MARCHF3: variants seen among roughly 807,000 people sequenced by gnomAD.
MARCHF3 encodes E3 ubiquitin-protein ligase MARCHF3.
Under a neutral mutation model 24.2 loss-of-function variants are expected in MARCHF3, and 13 were observed. That is an observed-to-expected ratio of 0.54 (90% CI 0.35 to 0.85). The LOEUF (loss-of-function observed/expected upper bound fraction) is 0.85. Ranked by LOEUF, MARCHF3 falls within the 40% of genes least tolerant of loss-of-function variation. The pLI is 0.01. For missense variants in MARCHF3, 276 were observed against 325.0 expected, an observed-to-expected ratio of 0.85 and a Z score of 1.16; for synonymous variants, 144 against 137.3, an observed-to-expected ratio of 1.05 and a Z score of -0.34.
chr5:126,996,616 A>G (rs1751956590), intron 1 of MARCHF3, among the ~76,000 whole-genome samples: 1 of 152,096 alleles, frequency 6.6e-6, no homozygotes, highest in South Asian at 2.1e-4. Context: ...CAGTGGGGAT[A>G]TGGATCTAGG....
At chr5:126,992,122 G>T (rs1426720352) in intron 1 of MARCHF3, among the ~76,000 whole-genome samples, 2 of 150,822 alleles carry the variant, frequency 1.3e-5, no homozygotes, top group Admixed American at 6.6e-5. Flanking sequence ...ACCTGTGATT[G>T]TTCCCCCACC....
At chr5:126,889,922 G>A (rs73335458) in intron 3 of MARCHF3, among the ~76,000 whole-genome samples, 1 of 152,166 alleles carries the variant, frequency 6.6e-6, no homozygotes, top group East Asian at 1.9e-4. Context: ...TGTTCACATT[G>A]TCTAAGCTGT....
In MARCHF3 at chr5:126,902,084, T is replaced by C. The variant is rs188178815; in HGVS notation, c.393+12846A>G. Among the ~76,000 whole-genome samples, 240 of 152,260 alleles carry C rather than the reference T, an allele frequency of 1.6e-3. 1 individual carries two copies. Among genetic ancestry groups the C allele is most frequent in the African/African-American group, 5.5e-3 (230 of 41,546 alleles). On this transcript the variant is annotated intron_variant, in intron 3 of 4. Coordinates refer to ENST00000308660, the MANE Select transcript of MARCHF3 (RefSeq NM_178450.5). ...TGAAAGGGTCCGGAATCTTTCAAGA[T>C]GATCTGTCTCTTCTGTTAACTTCCT...
chr5:127,021,195 C>A (rs1752794101), intron 1 of MARCHF3, among the ~76,000 whole-genome samples: 1 of 151,640 alleles, frequency 6.6e-6, no homozygotes, highest in African/African-American at 2.4e-5. Flanking sequence ...CCATTTAATA[C>A]CCACCCCCCA....
intron 1 of MARCHF3, among the ~76,000 whole-genome samples, chr5:126,949,912 G>A (rs549873944): frequency 4.6e-5 from 7 of 152,268 alleles, no homozygotes; most frequent in Admixed American, 1.3e-4. Context: ...ATCTTCCAAA[G>A]GGGTCCTAGC....
At chr5:126,874,635 A>T (rs538763772) in intron 4 of MARCHF3, among the ~76,000 whole-genome samples, 72 of 151,776 alleles carry the variant, frequency 4.7e-4, no homozygotes, top group Non-Finnish European at 9.3e-4. Flanking sequence ...ATCTGATTAC[A>T]TATTTTGATT....
chr5:126,997,448 A>C (rs1751985544), intron 1 of MARCHF3, among the ~76,000 whole-genome samples: 1 of 152,084 alleles, frequency 6.6e-6, no homozygotes, highest in Non-Finnish European at 1.5e-5. Context: ...AAGGGAAGTC[A>C]ATTTGGTGAG....
At chr5:126,875,977 A>AG (rs1291904294) in intron 4 of MARCHF3, among the ~76,000 whole-genome samples, 1 of 152,240 alleles carries the variant, frequency 6.6e-6, no homozygotes, top group Non-Finnish European at 1.5e-5. Flanking sequence ...GTTTAAACAC[A>AG]GGGCCCTTGG....
chr5:126,894,875 A>C (rs1256191297), intron 3 of MARCHF3, among the ~76,000 whole-genome samples: 1 of 151,676 alleles, frequency 6.6e-6, no homozygotes, highest in Non-Finnish European at 1.5e-5. Flanking sequence ...AGATTGGGGA[A>C]GTTCTCCTGG....
chr5:126,948,034 G>A (rs945548621), intron 1 of MARCHF3, among the ~76,000 whole-genome samples: 1 of 152,006 alleles, frequency 6.6e-6, no homozygotes, highest in Non-Finnish European at 1.5e-5. Flanking sequence ...TCTTTTGTTG[G>A]AAGGAAAAGG....
chr5:126,890,753 T>C (rs964261762), intron 3 of MARCHF3, among the ~76,000 whole-genome samples: 2 of 150,488 alleles, frequency 1.3e-5, no homozygotes, highest in African/African-American at 2.5e-5. Context: ...AACATACATG[T>C]GCATGTGTCT....
intron 1 of MARCHF3, among the ~76,000 whole-genome samples, chr5:126,996,695 G>A (rs1181716081): frequency 6.6e-6 from 1 of 151,962 alleles, no homozygotes; most frequent in African/African-American, 2.4e-5. Context: ...AACCATCAGT[G>A]TAATATTATC....
chr5:127,025,198 T>C (rs901570177), intron 1 of MARCHF3, among the ~76,000 whole-genome samples: 2 of 151,320 alleles, frequency 1.3e-5, no homozygotes, highest in Non-Finnish European at 2.9e-5. Flanking sequence ...AAAACAGCCA[T>C]AGGTTTATAA....
intron 4 of MARCHF3, among the ~76,000 whole-genome samples, chr5:126,875,897 G>A (rs1390490203): frequency 6.6e-6 from 1 of 152,214 alleles, no homozygotes; most frequent in East Asian, 1.9e-4. Context: ...TTTTGTACAA[G>A]AGGAAGGATG....
At chr5:127,027,374 G>C (rs1309352546) in intron 1 of MARCHF3, among the ~76,000 whole-genome samples, 1 of 152,146 alleles carries the variant, frequency 6.6e-6, no homozygotes, top group Non-Finnish European at 1.5e-5. Context: ...GTCTGTAGTA[G>C]CCCAGCTGAG....
At chr5:126,910,990 A>G (rs1486585173) in intron 3 of MARCHF3, among the ~76,000 whole-genome samples, 1 of 152,192 alleles carries the variant, frequency 6.6e-6, no homozygotes, top group Non-Finnish European at 1.5e-5. Context: ...GCCGTCTTTT[A>G]TGGTCGAAGC....
intron 1 of MARCHF3, among the ~76,000 whole-genome samples, chr5:126,995,929 G>T (rs552295679): frequency 6.6e-6 from 1 of 152,350 alleles, no homozygotes; most frequent in East Asian, 1.9e-4. Flanking sequence ...GGCAGTAAGA[G>T]GGAGAGGAAA....
At chr5:126,946,019 T>G (rs1265227638) in intron 1 of MARCHF3, among the ~76,000 whole-genome samples, 1 of 152,046 alleles carries the variant, frequency 6.6e-6, no homozygotes, top group Non-Finnish European at 1.5e-5. Flanking sequence ...TCACTCTGGG[T>G]AGTGACCCAT....
chr5:126,994,079 G>A (rs1226808346), intron 1 of MARCHF3, among the ~76,000 whole-genome samples: 8 of 152,176 alleles, frequency 5.3e-5, no homozygotes. Flanking sequence ...TGCTTATAGT[G>A]ACTTTATTTA....
Sources: gnomAD v4.1 joint callset for allele counts (sites outside exome capture counted in the v4.1 genomes callset) on GRCh38, gnomAD v4.1.1 for gene constraint, MANE v1.5 for transcripts, NCBI Gene and HGNC (gene_info 2026-07-23, HGNC 2026-07-21) for gene names.